Variants in KHDRBS3 observed in about 807,000 individuals in gnomAD.
The protein encoded by KHDRBS3 is KH RNA binding domain containing, signal transduction associated 3.
Under a neutral mutation model 45.6 loss-of-function variants are expected in KHDRBS3, and 23 were observed. That is an observed-to-expected ratio of 0.50 (90% confidence interval 0.36 to 0.72). KHDRBS3 has a LOEUF of 0.72. KHDRBS3 is among the 30% of genes least tolerant of loss of function. KHDRBS3 has a pLI of 0.00. For synonymous variants in KHDRBS3, 162 were observed against 156.5 expected (o/e 1.04, Z -0.26); for missense variants, 352 against 424.8 (o/e 0.83, Z 1.51).
At chr8:135,531,149 C>T (rs1057214803) in intron 2 of KHDRBS3, among the ~76,000 whole-genome samples, 8 of 152,058 alleles carry the variant, frequency 5.3e-5, no homozygotes, top group South Asian at 4.1e-4. Context: ...ATATTACTTG[C>T]GTGTGCCTGT....
At chr8:135,502,318 T>G (rs776605439) in intron 1 of KHDRBS3, among the ~76,000 whole-genome samples, 19 of 152,222 alleles carry the variant, frequency 1.2e-4, no homozygotes, top group Non-Finnish European at 2.5e-4. Flanking sequence ...CATGCCTTTG[T>G]CTCACTGCTG....
At chr8:135,604,833 T>A (rs1359787686) in intron 6 of KHDRBS3, among the ~76,000 whole-genome samples, 1 of 151,972 alleles carries the variant, frequency 6.6e-6, no homozygotes, top group East Asian at 1.9e-4. Flanking sequence ...GTTCTTTGTT[T>A]TTTTTAATGT....
chr8:135,629,157 G>A (rs1364866586), intron 7 of KHDRBS3, among the ~76,000 whole-genome samples: 3 of 152,194 alleles, frequency 2.0e-5, no homozygotes, highest in African/African-American at 7.2e-5. Flanking sequence ...AAAAGTTTGT[G>A]TCTCCAATTC....
intron 7 of KHDRBS3, among the ~76,000 whole-genome samples, chr8:135,637,215 G>C (rs937259236): frequency 2.0e-5 from 3 of 152,182 alleles, no homozygotes; most frequent in African/African-American, 7.2e-5. Context: ...TTACCTTAAA[G>C]GAATTTCAAA....
intron 1 of KHDRBS3, among the ~76,000 whole-genome samples, chr8:135,497,267 A>T (rs528941298): frequency 2.0e-5 from 3 of 152,184 alleles, no homozygotes; most frequent in Non-Finnish European, 4.4e-5. Context: ...TGAGTCAGAA[A>T]ATCAGCTATG....
At chr8:135,494,815 G>C (rs910772201) in intron 1 of KHDRBS3, among the ~76,000 whole-genome samples, 1 of 152,222 alleles carries the variant, frequency 6.6e-6, no homozygotes, top group African/African-American at 2.4e-5. Flanking sequence ...TCACCCAGGT[G>C]ACCTATGGCT....
chr8:135,601,925 A>G (rs1282888333), intron 6 of KHDRBS3, among the ~76,000 whole-genome samples: 1 of 152,230 alleles, frequency 6.6e-6, no homozygotes, highest in Non-Finnish European at 1.5e-5. Context: ...ACGAGCAACC[A>G]GTGATTCAGA....
intron 1 of KHDRBS3, among the ~76,000 whole-genome samples, chr8:135,500,498 CAGA>C (rs1396826363): frequency 6.6e-6 from 1 of 152,132 alleles, no homozygotes. Flanking sequence ...GGAAAGGAAG[CAGA>C]AGTTCACCTT....
intron 2 of KHDRBS3, among the ~76,000 whole-genome samples, chr8:135,535,880 C>G (rs1174942341): frequency 6.6e-6 from 1 of 152,132 alleles, no homozygotes; most frequent in Non-Finnish European, 1.5e-5. Flanking sequence ...AACACCGATT[C>G]CTCCTGAAGA....
In KHDRBS3 at chr8:135,585,039, T is replaced by C. The variant is rs183276523; in HGVS notation, c.807+2966T>C. 2.8e-3 allele frequency among the ~76,000 whole-genome samples: 411 copies of C among 149,246 alleles called. 5 individuals carry two copies. The highest frequency in any genetic ancestry group is 9.4e-3 in the African/African-American group (384 of 41,066). ...GAGTTCAAGACCAGCCTGGCCAACA[T>C]GGTGAAACCTCATCTCTACCAAAAA... On this transcript the variant is annotated intron_variant, in intron 6 of 8. Coordinates refer to ENST00000355849, the MANE Select transcript of KHDRBS3 (RefSeq NM_006558.3).
chr8:135,630,482 AATGT>A (rs11269726), intron 7 of KHDRBS3, among the ~76,000 whole-genome samples: 1 of 150,886 alleles, frequency 6.6e-6, no homozygotes, highest in Non-Finnish European at 1.5e-5. Flanking sequence ...TATAAAGTTT[AATGT>A]ATGTATGTAT....
intron 6 of KHDRBS3, 64 bp from the exon 7 acceptor site, chr8:135,606,891 A>C: frequency 8.0e-7 from 1 of 1,253,754 alleles, no homozygotes; most frequent in Non-Finnish European, 1.2e-6. Context: ...CACTAAAAGC[A>C]GAATGCTTCT....
At chr8:135,497,545 C>A (rs1275523800) in intron 1 of KHDRBS3, among the ~76,000 whole-genome samples, 1 of 152,070 alleles carries the variant, frequency 6.6e-6, no homozygotes, top group Non-Finnish European at 1.5e-5. Flanking sequence ...AAGCGACATA[C>A]CAGAAAACTC....
chr8:135,622,019 T>C (rs1183312791), intron 7 of KHDRBS3, among the ~76,000 whole-genome samples: 3 of 152,040 alleles, frequency 2.0e-5, no homozygotes, highest in Admixed American at 2.0e-4. Context: ...CCACCTCCAC[T>C]CCACTCCTGA....
intron 7 of KHDRBS3, among the ~76,000 whole-genome samples, chr8:135,634,301 A>C (rs1228418377): frequency 1.3e-5 from 2 of 152,164 alleles, no homozygotes; most frequent in African/African-American, 4.8e-5. Context: ...ACTGTGATGG[A>C]TGTCCTCCCG....
intron 7 of KHDRBS3, chr8:135,625,415 C>T (rs1318783301): frequency 5.1e-6 from 4 of 777,830 alleles, no homozygotes; most frequent in Non-Finnish European, 9.2e-6. Context: ...GCTGCCTCAT[C>T]GTGCCCATTG....
At chr8:135,627,583 AT>A (rs1028629830) in intron 7 of KHDRBS3, among the ~76,000 whole-genome samples, 1 of 152,142 alleles carries the variant, frequency 6.6e-6, no homozygotes, top group African/African-American at 2.4e-5. Flanking sequence ...CAAATTAGGG[AT>A]TTTTCTTTTA....
At chr8:135,590,684 T>C (rs1828705115) in intron 6 of KHDRBS3, among the ~76,000 whole-genome samples, 1 of 152,228 alleles carries the variant, frequency 6.6e-6, no homozygotes, top group Non-Finnish European at 1.5e-5. Flanking sequence ...TGAGTAGTTG[T>C]GAGCCTTTTG....
At chr8:135,474,709 G>A (rs6998064) in intron 1 of KHDRBS3, among the ~76,000 whole-genome samples, 121,829 of 152,226 alleles carry the variant, frequency 0.8, 49,276 homozygotes, top group East Asian at 0.96. Context: ...TTCAGATTCA[G>A]ATGTTCTCTG....
Sources: gnomAD v4.1 joint callset for allele counts (sites outside exome capture counted in the v4.1 genomes callset) on GRCh38, gnomAD v4.1.1 for gene constraint, MANE v1.5 for transcripts, NCBI Gene and HGNC (gene_info 2026-07-23, HGNC 2026-07-21) for gene names.